WWOX: variants seen among roughly 807,000 people sequenced by gnomAD.
WWOX encodes the protein WW domain containing oxidoreductase.
Under a neutral mutation model 46.2 loss-of-function variants are expected in WWOX, and 69 were observed. The observed-to-expected ratio is 1.49, with a 90% CI of 1.23 to 1.82. The LOEUF is 1.82. Among genes scored for constraint, WWOX ranks in the 40% most tolerant of loss-of-function variants. The pLI, the probability that WWOX is intolerant of heterozygous loss-of-function variation, is 0.00. For missense variants in WWOX, 919 were observed against 542.6 expected, an observed-to-expected ratio of 1.69 and a Z score of -6.89; for synonymous variants, 359 against 202.6, an observed-to-expected ratio of 1.77 and a Z score of -6.56.
intron 8 of WWOX, among the ~76,000 whole-genome samples, chr16:78,708,972 A>T (rs74458296): frequency 0.02 from 3,022 of 152,218 alleles, 276 homozygotes; most frequent in Admixed American, 0.16. Flanking sequence ...TTGCACATCC[A>T]TTTTGCCCTA....
chr16:78,360,982 G>T (rs1011966759), intron 5 of WWOX, among the ~76,000 whole-genome samples: 1 of 151,964 alleles, frequency 6.6e-6, no homozygotes, highest in Non-Finnish European at 1.5e-5. Flanking sequence ...CACCATGCCT[G>T]GCTAATTTTT....
At chr16:78,553,913 C>G (rs1001969072) in intron 8 of WWOX, among the ~76,000 whole-genome samples, 3 of 152,028 alleles carry the variant, frequency 2.0e-5, no homozygotes, top group African/African-American at 4.8e-5. Context: ...ACTCCCACAG[C>G]TTGGTGCAGA....
At chr16:78,627,817 T>C (rs536140519) in intron 8 of WWOX, among the ~76,000 whole-genome samples, 82 of 152,350 alleles carry the variant, frequency 5.4e-4, no homozygotes, top group African/African-American at 2.0e-3. Flanking sequence ...GGTGTTGGGC[T>C]CTGACAAGAT....
At chr16:78,441,949 T>C (rs1056279734) in intron 8 of WWOX, among the ~76,000 whole-genome samples, 2 of 147,108 alleles carry the variant, frequency 1.4e-5, no homozygotes, top group African/African-American at 2.6e-5. Context: ...AAATTTCATA[T>C]ATGCGCATGA....
chr16:79,089,618 C>A (rs374731716), intron 8 of WWOX, among the ~76,000 whole-genome samples: 5 of 152,172 alleles, frequency 3.3e-5, no homozygotes, highest in Non-Finnish European at 5.9e-5. Flanking sequence ...GCATGAGCCA[C>A]CACGCCCTGC....
chr16:78,500,330 GCTGCCATTCAGTTTTACT>G (rs1345652822), intron 8 of WWOX, among the ~76,000 whole-genome samples: 1 of 152,250 alleles, frequency 6.6e-6, no homozygotes, highest in African/African-American at 2.4e-5. Context: ...AATTATTCCC[GCTGCCATTCAGTTTTACT>G]CTGCACAAAA....
chr16:78,441,138 T>G (rs1019970630), intron 8 of WWOX, among the ~76,000 whole-genome samples: 1 of 152,090 alleles, frequency 6.6e-6, no homozygotes, highest in African/African-American at 2.4e-5. Flanking sequence ...AGACGGGATT[T>G]CAACATGTTG....
At chr16:78,926,270 G>A (rs2045495281) in intron 8 of WWOX, among the ~76,000 whole-genome samples, 1 of 152,018 alleles carries the variant, frequency 6.6e-6, no homozygotes, top group Non-Finnish European at 1.5e-5. Context: ...CTACCTGGGA[G>A]GCTAAAGTGG....
chr16:78,483,772 A>C (rs1364894046), intron 8 of WWOX, among the ~76,000 whole-genome samples: 1 of 152,138 alleles, frequency 6.6e-6, no homozygotes. Flanking sequence ...CACCTTTGGA[A>C]ATCAAGGCTC....
intron 8 of WWOX, among the ~76,000 whole-genome samples, chr16:79,152,381 C>G (rs934494691): frequency 1.3e-5 from 2 of 152,108 alleles, no homozygotes; most frequent in Non-Finnish European, 2.9e-5. Context: ...TTTAAAAAAC[C>G]AACTGCCCAG....
intron 8 of WWOX, among the ~76,000 whole-genome samples, chr16:79,123,525 G>A (rs181754917): frequency 6.6e-6 from 1 of 152,172 alleles, no homozygotes; most frequent in Admixed American, 6.5e-5. Context: ...TAACAGTTCT[G>A]TGCCTGAGTA....
chr16:79,163,395 A>G (rs1005931568), intron 8 of WWOX, among the ~76,000 whole-genome samples: 1 of 152,196 alleles, frequency 6.6e-6, no homozygotes, highest in Non-Finnish European at 1.5e-5. Flanking sequence ...AGGAATCGTC[A>G]TTAAGGCGCC....
At chr16:78,435,092 C>G (rs1166115388) in intron 8 of WWOX, among the ~76,000 whole-genome samples, 3 of 152,150 alleles carry the variant, frequency 2.0e-5, no homozygotes, top group Admixed American at 1.3e-4. Context: ...GTGACTGTAT[C>G]ATGATATCGG....
chr16:78,160,344 C>T (rs1432375846), intron 4 of WWOX, among the ~76,000 whole-genome samples: 5 of 152,206 alleles, frequency 3.3e-5, no homozygotes, highest in Admixed American at 6.5e-5. Flanking sequence ...AGGCTGGTCT[C>T]GAACTCTTGG....
intron 8 of WWOX, among the ~76,000 whole-genome samples, chr16:78,903,119 A>G (rs2044870973): frequency 6.6e-6 from 1 of 152,222 alleles, no homozygotes; most frequent in African/African-American, 2.4e-5. Flanking sequence ...GAACGGCCCA[A>G]GCAGCCACTC....
chr16:78,377,100 G>C (rs946370162), intron 5 of WWOX, among the ~76,000 whole-genome samples: 1 of 152,242 alleles, frequency 6.6e-6, no homozygotes, highest in African/African-American at 2.4e-5. Flanking sequence ...GGAAGTTCCA[G>C]TGCTTAACAA....
chr16:79,071,510 T>G (rs2048550814), intron 8 of WWOX, among the ~76,000 whole-genome samples: 1 of 152,188 alleles, frequency 6.6e-6, no homozygotes, highest in South Asian at 2.1e-4. Context: ...AAAACTGTTT[T>G]TATTGCTTCA....
intron 8 of WWOX, among the ~76,000 whole-genome samples, chr16:78,540,370 G>C (rs989465672): frequency 6.6e-6 from 1 of 152,028 alleles, no homozygotes; most frequent in Non-Finnish European, 1.5e-5. Context: ...TTGTTGCCTG[G>C]GCCTGGATTT....
intron 6 of WWOX, among the ~76,000 whole-genome samples, chr16:78,422,694 CACACACAT>C (rs2082965832): frequency 3.3e-5 from 1 of 30,248 alleles, no homozygotes; most frequent in African/African-American, 8.2e-5. Context: ...TACACACACA[CACACACAT>C]ATATATATAC....
Sources: allele counts gnomAD v4.1 joint callset (sites outside exome capture counted in the v4.1 genomes callset), GRCh38; gene constraint gnomAD v4.1.1; transcripts MANE v1.5; gene names NCBI Gene and HGNC (gene_info 2026-07-23, HGNC 2026-07-21).